The following CR1 variants were observed in gnomAD, a reference collection of about 807,000 sequenced individuals.
The protein encoded by CR1 is complement receptor type 1.
In CR1, 116 loss-of-function variants were observed where a neutral mutation model predicts 187.3. The ratio of observed to expected loss-of-function variants is 0.62; its 90% CI spans 0.53 to 0.72. CR1 has a LOEUF of 0.72. CR1 is among the 30% of genes least tolerant of loss of function. The pLI, the probability that CR1 is intolerant of heterozygous loss-of-function variation, is 0.00. For missense variants in CR1, 1,731 were observed against 2,110.7 expected (o/e 0.82, Z 3.52); for synonymous variants, 576 against 747.1 (o/e 0.77, Z 3.73).
chr1:207,595,348 T>C (rs1212704879), intron 35 of CR1, among the ~76,000 whole-genome samples: 1 of 152,010 alleles, frequency 6.6e-6, no homozygotes, highest in Non-Finnish European at 1.5e-5. Flanking sequence ...AGACAATTTC[T>C]CAGGCTATAA....
At chr1:207,630,757 ACTT>A (rs1662618090) in intron 46 of CR1, 136 bp downstream of exon 46, 4 of 532,380 alleles carry the variant, frequency 7.5e-6, no homozygotes, top group Admixed American at 7.9e-5. Flanking sequence ...GGAGTTGGAA[ACTT>A]CTTTTTTTTT....
At chr1:207,639,306 G>T in intron 46 of CR1, 91 bp from the exon 47 acceptor site, 1 of 1,240,456 alleles carries the variant, frequency 8.1e-7, no homozygotes, top group Non-Finnish European at 1.1e-6. Context: ...ATAAAGTTTA[G>T]AAAATATCCA....
intron 4 of CR1, among the ~76,000 whole-genome samples, chr1:207,520,968 G>T (rs968417436): frequency 4.1e-3 from 182 of 44,538 alleles, no homozygotes; most frequent in Middle Eastern, 0.056. Context: ...TTTTTTGGTT[G>T]TTTTTTTTTT....
At chr1:207,591,363 C>T (rs1166166656) in intron 35 of CR1, among the ~76,000 whole-genome samples, 5 of 152,048 alleles carry the variant, frequency 3.3e-5, no homozygotes, top group African/African-American at 7.2e-5. Flanking sequence ...GGGTAAATAA[C>T]GAAATGAAAG....
Position 207,611,843 on chromosome 1 carries a change from T to C in CR1, c.6462T>C (p.Pro2154=), listed in dbSNP as rs202200742. Residue 2154 remains proline (P), a synonymous_variant, in exon 38 of 47, where the codon CCT becomes CCC. Coordinates refer to ENST00000367049, the MANE Select transcript of CR1 (RefSeq NM_000651.6). ...AGGGAGACTGGAGCCCTGAAGCCCC[T>C]AGATGTACAGGTGCCTTGACTCTCT... ...TPQGDWSPEA[P]RCTVKSCDDF... is the part of the protein sequence containing the mutation. 17 of 1,613,992 alleles carry C rather than the reference T, an allele frequency of 1.1e-5. No individual in the cohort carries two copies. In the Middle Eastern group the frequency reaches 4.9e-4, roughly 47 times the overall value.
chr1:207,506,757 G>A lies in CR1; in HGVS notation c.345G>A (p.Val115=), dbSNP rs3991748. The change falls in exon 3 of 47, where the codon GTG becomes GTA. Residue 115 remains valine (V), a synonymous_variant. Transcript: ENST00000367049. ...RNPPDPVNGM[V]HVIKGIQFGS... The stretch of plus-strand genomic sequence containing the variant: ...CTCCAGATCCTGTGAATGGCATGGT[G>A]CATGTGATCAAAGGCATCCAGTTCG... 8 of 1,613,510 alleles carry A rather than the reference G, an allele frequency of 5.0e-6. No individual in the cohort carries two copies. Among genetic ancestry groups the A allele is most frequent in the African/African-American group, 4.0e-5 (3 of 74,878 alleles).
At chr1:207,591,412 G>A (rs1192919481) in intron 35 of CR1, among the ~76,000 whole-genome samples, 1 of 152,140 alleles carries the variant, frequency 6.6e-6, no homozygotes, top group East Asian at 1.9e-4. Context: ...TGAAAACAAA[G>A]ACACAATGTA....
At chr1:207,588,367 TG>T (rs1558250772) in intron 34 of CR1, among the ~76,000 whole-genome samples, 1 of 152,110 alleles carries the variant, frequency 6.6e-6, no homozygotes, top group Non-Finnish European at 1.5e-5. Context: ...GATGGGGTTT[TG>T]CCACGTTGGC....
intron 34 of CR1, among the ~76,000 whole-genome samples, chr1:207,588,416 C>T (rs186286848): frequency 1.3e-4 from 20 of 152,286 alleles, no homozygotes; most frequent in African/African-American, 3.6e-4. Context: ...GGTGATCTGC[C>T]GGCCTCGGCC....
Position 207,564,829 on chromosome 1 carries a change from G to A in CR1, c.3866+595G>A, listed in dbSNP as rs553156894. 4.9e-4 allele frequency among the ~76,000 whole-genome samples: 74 copies of A among 150,076 alleles called. 3 individuals carry two copies. The highest frequency in any genetic ancestry group is 1.8e-4 in the African/African-American group (7 of 39,618). ...AAAAAATCATATTTTACAAGCAAAA[G>A]GGAATATGAGTAATTTAGAGAGTCC... is the stretch of plus-strand genomic sequence containing the variant. On this transcript the variant is annotated intron_variant, in intron 23 of 46. Coordinates refer to ENST00000367049, the MANE Select transcript of CR1 (RefSeq NM_000651.6).
chr1:207,609,343 A>G lies in CR1; in HGVS notation c.5950A>G (p.Asn1984Asp). 4 of 1,614,000 alleles carry G rather than the reference A, an allele frequency of 2.5e-6. No homozygotes were observed. Among genetic ancestry groups the G allele is most frequent in the Non-Finnish European group, 3.4e-6 (4 of 1,179,868 alleles). The change falls in exon 37 of 47, where the codon AAT becomes GAT. Residue 1984 changes from asparagine (N) to aspartate (D), a missense_variant. Coordinates refer to ENST00000367049, the MANE Select transcript of CR1 (RefSeq NM_000651.6). ...TISNGDFYSN[N>D]RTSFHNGTVV... ...ATCCAATGGAGACTTCTACAGCAAC[A>G]ATAGAACATCTTTTCACAATGGAAC...
At chr1:207,608,707 A>C (rs189416883) in intron 36 of CR1, among the ~76,000 whole-genome samples, 83 of 152,258 alleles carry the variant, frequency 5.5e-4, no homozygotes, top group Non-Finnish European at 7.2e-4. Context: ...AAAAATTTCC[A>C]CTTCTACATT....
At chr1:207,595,650 C>T (rs148575970) in intron 35 of CR1, among the ~76,000 whole-genome samples, 1 of 151,768 alleles carries the variant, frequency 6.6e-6, no homozygotes, top group East Asian at 1.9e-4. Context: ...TAAGAAGGAA[C>T]CCCAAACATA....
intron 40 of CR1, among the ~76,000 whole-genome samples, chr1:207,615,980 A>AG (rs1398398929): frequency 1.3e-5 from 2 of 152,206 alleles, no homozygotes; most frequent in African/African-American, 4.8e-5. Flanking sequence ...GCAGACTAAA[A>AG]GGAGGAAGAA....
chr1:207,622,925 C>T (rs1327966191), intron 44 of CR1, 68 bp from the exon 45 acceptor site: 10 of 1,125,882 alleles, frequency 8.9e-6, no homozygotes, highest in Non-Finnish European at 1.3e-5. Flanking sequence ...GGACTGGATA[C>T]TAAGATAGAA....
intron 4 of CR1, among the ~76,000 whole-genome samples, chr1:207,521,659 G>T (rs534244041): frequency 8.8e-4 from 107 of 121,062 alleles, no homozygotes; most frequent in Non-Finnish European, 1.1e-3. Context: ...TTGAGACAGG[G>T]TCTCACTTTG....
chr1:207,630,563 T>C lies in CR1; in HGVS notation c.7399T>C (p.Ser2467Pro). The C allele has an allele frequency of 1.2e-6, 2 of 1,611,978 alleles. No individual in the cohort carries two copies. The highest frequency in any genetic ancestry group is 1.7e-6 in the Non-Finnish European group (2 of 1,179,132). The change falls in exon 46 of 47, where the codon TCT (serine) becomes CCT (proline). Residue 2467 changes from serine to proline, a missense_variant. By Grantham distance (74) the Ser-to-Pro change is moderately conservative (BLOSUM62 -1). This residue lies in a region of CR1 where 1,312 missense variants were observed against 1,379.6 expected (regional missense o/e 0.95). Coordinates refer to ENST00000367049, the MANE Select transcript of CR1 (RefSeq NM_000651.6). Reference protein sequence around the residue: ...NPKEVAIHLHSQGGSSVHPRT... With the variant: ...NPKEVAIHLHPQGGSSVHPRT... ...TAAAGAAGTGGCTATCCATTTACATTCTCAAGGAGGCAGCAGCGTTCATCC... is the reference window on the plus strand; with the variant it reads ...TAAAGAAGTGGCTATCCATTTACATCCTCAAGGAGGCAGCAGCGTTCATCC...
At chr1:207,614,155 T>C (rs1001376895) in intron 39 of CR1, among the ~76,000 whole-genome samples, 3 of 152,208 alleles carry the variant, frequency 2.0e-5, no homozygotes, top group African/African-American at 7.2e-5. Flanking sequence ...ATTATGCACA[T>C]CAGCTCTAAT....
intron 27 of CR1, among the ~76,000 whole-genome samples, chr1:207,573,879 C>G (rs762570666): frequency 3.1e-4 from 47 of 152,268 alleles, no homozygotes; most frequent in Non-Finnish European, 5.6e-4. Context: ...CATATGTAAT[C>G]CCAACACACT....
Sources: allele counts gnomAD v4.1 joint callset (sites outside exome capture counted in the v4.1 genomes callset), GRCh38; gene constraint gnomAD v4.1.1; regional missense constraint gnomAD v4.1.1; transcripts MANE v1.5; gene names NCBI Gene and HGNC (gene_info 2026-07-23, HGNC 2026-07-21).